CFAP299: variants seen among roughly 807,000 people sequenced by gnomAD.
The protein encoded by CFAP299 is cilia- and flagella-associated protein 299.
In CFAP299, 21 loss-of-function variants were observed where a neutral mutation model predicts 27.0. The ratio of observed to expected loss-of-function variants is 0.78; its 90% CI spans 0.55 to 1.12. CFAP299 has a LOEUF of 1.12. Ranked by LOEUF, CFAP299 falls within the 50% of genes most tolerant of loss-of-function variation. The probability of loss-of-function intolerance (pLI) is 0.00; values close to 1 mark genes in which losing one functional copy is unlikely to be tolerated. For synonymous variants in CFAP299, 104 were observed against 98.1 expected (o/e 1.06, Z -0.36); for missense variants, 310 against 276.6 (o/e 1.12, Z -0.86).
intron 4 of CFAP299, among the ~76,000 whole-genome samples, chr4:80,931,410 G>A (rs938815530): frequency 6.6e-6 from 1 of 152,098 alleles, no homozygotes; most frequent in Non-Finnish European, 1.5e-5. Flanking sequence ...GTTTCTGAGA[G>A]GGAGAGCACC....
At chr4:80,873,476 A>C (rs1198755321) in intron 4 of CFAP299, among the ~76,000 whole-genome samples, 9 of 152,174 alleles carry the variant, frequency 5.9e-5, no homozygotes, top group Non-Finnish European at 1.3e-4. Flanking sequence ...TCTTTTTGAC[A>C]CACTTGTGAG....
intron 5 of CFAP299, among the ~76,000 whole-genome samples, chr4:80,949,069 A>C (rs1394462869): frequency 6.6e-6 from 1 of 152,174 alleles, no homozygotes; most frequent in African/African-American, 2.4e-5. Context: ...AGAAATATAT[A>C]ATTTAAACTA....
At chr4:80,827,185 G>A (rs994028514) in intron 3 of CFAP299, among the ~76,000 whole-genome samples, 1 of 151,634 alleles carries the variant, frequency 6.6e-6, no homozygotes, top group East Asian at 1.9e-4. Flanking sequence ...ATATTTAATA[G>A]GAAGGAACTT....
intron 3 of CFAP299, among the ~76,000 whole-genome samples, chr4:80,779,003 T>C (rs1271148365): frequency 6.6e-6 from 1 of 152,098 alleles, no homozygotes; most frequent in African/African-American, 2.4e-5. Flanking sequence ...GTATTTACTA[T>C]TTATTATATA....
chr4:80,741,980 A>C (rs1333308624), intron 3 of CFAP299, among the ~76,000 whole-genome samples: 1 of 152,118 alleles, frequency 6.6e-6, no homozygotes, highest in Non-Finnish European at 1.5e-5. Context: ...GGCAGCACTG[A>C]GTTCAATGTA....
chr4:80,528,331 G>A lies in CFAP299; in HGVS notation c.243-54762G>A, dbSNP rs182195553. On this transcript the variant is annotated intron_variant, in intron 2 of 5. Coordinates refer to ENST00000358105, the MANE Select transcript of CFAP299 (RefSeq NM_152770.3). ...CTCTTTGTTTGAAAAGAAAAAAAAG[G>A]CAAAGTTTTTTCCTGTGTCTTCCTC... 3.3e-5 allele frequency among the ~76,000 whole-genome samples: 5 copies of A among 151,942 alleles called. No homozygotes were observed. In the East Asian group the frequency reaches 9.7e-4, roughly 29 times the overall value.
rs1475386094 is a variant in CFAP299 at position 80,528,625 on chromosome 4, T to G, written c.243-54468T>G. 2.6e-5 allele frequency among the ~76,000 whole-genome samples: 4 copies of G among 152,304 alleles called. No individual in the cohort carries two copies. The East Asian group carries it at 7.7e-4, about 29-fold the overall frequency. ...ATGCCTTCAAATTGCTACCAATTTC[T>G]AATTCCAAGTATGTGAATTCATACC... On this transcript the variant is annotated intron_variant, in intron 2 of 5. Coordinates refer to ENST00000358105, the MANE Select transcript of CFAP299 (RefSeq NM_152770.3).
chr4:80,642,993 C>T lies in CFAP299; in HGVS notation c.333+59810C>T, dbSNP rs116478916. On this transcript the variant is annotated intron_variant, in intron 3 of 5. Transcript: ENST00000358105. ...GAAATAGGAGGAAAATCCTAAGAGA[C>T]GTTAAATTAAAAGAGATGTAGGGCC... 6.5e-3 allele frequency among the ~76,000 whole-genome samples: 982 copies of T among 151,606 alleles called. 7 individuals carry two copies. Among genetic ancestry groups the T allele is most frequent in the African/African-American group, 0.022 (889 of 41,320 alleles).
intron 2 of CFAP299, chr4:80,388,831 A>G (rs1005480797): frequency 3.0e-5 from 11 of 368,364 alleles, no homozygotes; most frequent in African/African-American, 1.7e-4. Context: ...TCTTCCAATC[A>G]TATTTCCTTA....
At chr4:80,463,532 A>G (rs1298280668) in intron 2 of CFAP299, among the ~76,000 whole-genome samples, 1 of 152,142 alleles carries the variant, frequency 6.6e-6, no homozygotes, top group Non-Finnish European at 1.5e-5. Flanking sequence ...TAACAGACTT[A>G]TTTTTATACA....
intron 5 of CFAP299, among the ~76,000 whole-genome samples, chr4:80,951,492 T>C (rs1484190299): frequency 6.6e-6 from 1 of 152,158 alleles, no homozygotes; most frequent in Non-Finnish European, 1.5e-5. Flanking sequence ...ATGTAGTCTA[T>C]TATCACAAGA....
intron 4 of CFAP299, among the ~76,000 whole-genome samples, chr4:80,894,717 T>C (rs1734526596): frequency 6.6e-6 from 1 of 151,984 alleles, no homozygotes; most frequent in Admixed American, 6.6e-5. Flanking sequence ...GTAACCACTA[T>C]CTCAAATATT....
chr4:80,799,318 A>T lies in CFAP299; in HGVS notation c.334-70675A>T, dbSNP rs1205345961. On this transcript the variant is annotated intron_variant, in intron 3 of 5. Transcript: ENST00000358105. ...ATATTTATATAATATTTATATATATAAATATATTTATATAATATTTATATA... is the reference window on the plus strand; with the variant it reads ...ATATTTATATAATATTTATATATATTAATATATTTATATAATATTTATATA... Among the ~76,000 whole-genome samples the T allele has an allele frequency of 9.6e-5, 10 of 103,820 alleles. 2 individuals carry two copies. The highest frequency in any genetic ancestry group is 4.1e-4 in the African/African-American group (10 of 24,150). The allele number at this position is 103,820 out of a possible 152,430, so 68.1% of individuals were successfully genotyped here. A position where few individuals can be genotyped will look rare whatever the true frequency, so the allele number is the denominator to read the frequency against.
At chr4:80,792,864 CT>C (rs1253495552) in intron 3 of CFAP299, among the ~76,000 whole-genome samples, 2 of 152,044 alleles carry the variant, frequency 1.3e-5, no homozygotes, top group South Asian at 4.1e-4. Flanking sequence ...CAAAGGAAGA[CT>C]TTTAGCTTGG....
intron 3 of CFAP299, among the ~76,000 whole-genome samples, chr4:80,822,344 G>A (rs951611352): frequency 1.3e-5 from 2 of 152,016 alleles, no homozygotes; most frequent in African/African-American, 4.8e-5. Context: ...ATGAATTCAC[G>A]TTTGAAATAT....
intron 2 of CFAP299, among the ~76,000 whole-genome samples, chr4:80,531,582 G>A (rs1236445490): frequency 6.6e-6 from 1 of 152,010 alleles, no homozygotes; most frequent in Non-Finnish European, 1.5e-5. Context: ...ATTTCAGACT[G>A]CAGCAACTGA....
At chr4:80,930,360 C>T (rs974578528) in intron 4 of CFAP299, among the ~76,000 whole-genome samples, 7 of 152,012 alleles carry the variant, frequency 4.6e-5, no homozygotes, top group African/African-American at 1.2e-4. Context: ...TGTGAGCTGC[C>T]GTAGCAAGTT....
At chr4:80,461,425 G>T (rs1310657294) in intron 2 of CFAP299, among the ~76,000 whole-genome samples, 1 of 152,014 alleles carries the variant, frequency 6.6e-6, no homozygotes, top group African/African-American at 2.4e-5. Context: ...AATATATTTT[G>T]GGCAAAATAT....
rs9917907 is a variant in CFAP299 at position 80,831,167 on chromosome 4, G to C, written c.334-38826G>C. ...TAGGAGAGGATGTGTTGGGAAACAA[G>C]CTGACTGTAATTAAAATAGTTTTCA... On this transcript the variant is annotated intron_variant, in intron 3 of 5. Coordinates refer to ENST00000358105, the MANE Select transcript of CFAP299 (RefSeq NM_152770.3). 1.3e-3 allele frequency among the ~76,000 whole-genome samples: 199 copies of C among 152,210 alleles called. 2 individuals carry two copies. Among genetic ancestry groups the C allele is most frequent in the African/African-American group, 4.6e-3 (190 of 41,540 alleles).
Sources: gnomAD v4.1 joint callset for allele counts (sites outside exome capture counted in the v4.1 genomes callset) on GRCh38, gnomAD v4.1.1 for gene constraint, MANE v1.5 for transcripts, NCBI Gene and HGNC (gene_info 2026-07-23, HGNC 2026-07-21) for gene names.